Variants in CADPS observed in about 807,000 individuals in gnomAD.
CADPS encodes calcium-dependent secretion activator 1.
CADPS carries 57 observed loss-of-function variants against 167.3 expected under a neutral mutation model. The ratio of observed to expected loss-of-function variants is 0.34; its 90% CI spans 0.28 to 0.42. The LOEUF is 0.42. Ranked by LOEUF, CADPS falls within the 20% of genes least tolerant of loss-of-function variation. The probability of loss-of-function intolerance (pLI) is 1.00; values close to 1 mark genes in which losing one functional copy is unlikely to be tolerated. For synonymous variants in CADPS, 676 were observed against 635.3 expected (o/e 1.06, Z -0.96); for missense variants, 1,414 against 1,738.1 (o/e 0.81, Z 3.32).
intron 11 of CADPS, among the ~76,000 whole-genome samples, chr3:62,541,401 T>C (rs1382099635): frequency 6.6e-6 from 1 of 152,182 alleles, no homozygotes; most frequent in Admixed American, 6.6e-5. Flanking sequence ...CTTTATGACA[T>C]GGGCATAGGA....
chr3:62,841,588 G>A (rs1181639241), intron 1 of CADPS, among the ~76,000 whole-genome samples: 1 of 152,164 alleles, frequency 6.6e-6, no homozygotes, highest in East Asian at 1.9e-4. Flanking sequence ...GTGGTGGCAT[G>A]TGCCTGTAGT....
At chr3:62,855,220 C>G (rs577104928) in intron 1 of CADPS, among the ~76,000 whole-genome samples, 1 of 151,502 alleles carries the variant, frequency 6.6e-6, no homozygotes, top group East Asian at 1.9e-4. Flanking sequence ...GCTGGGATTA[C>G]AGGCATGAGG....
In CADPS at chr3:62,465,367, G is replaced by A. The variant is rs62243467; in HGVS notation, c.3636C>T (p.Thr1212=). 620 of 1,598,178 alleles carry A rather than the reference G, an allele frequency of 3.9e-4. 3 individuals carry two copies. Among genetic ancestry groups the A allele is most frequent in the Non-Finnish European group, 4.8e-4 (563 of 1,172,560 alleles). Residue 1212 remains threonine, a splice_region_variant and synonymous_variant, in exon 26 of 30, where the codon ACC becomes ACT. Transcript: ENST00000383710. This position sits in a 1 kb window ranked among gnomAD's most constrained non-coding sequence, Gnocchi z 4.1. ...GTLFSSFLSF[T]VKAASKYVDV... ...GGAAATAAAGAAGCTCTTTACTTAC[G>A]GTAAATGACAGAAAAGAAGAAAACA...
In CADPS at chr3:62,778,314, G is replaced by A. The variant is rs149910583; in HGVS notation, c.442-12330C>T. On this transcript the variant is annotated intron_variant, in intron 1 of 29. Transcript: ENST00000383710. ...GAAATGTCGAGATCATTGTCCCTGTGGTTAGTTAACAATTGTTCAAATTTC... is the reference window on the plus strand; with the variant it reads ...GAAATGTCGAGATCATTGTCCCTGTAGTTAGTTAACAATTGTTCAAATTTC... Among the ~76,000 whole-genome samples the A allele has an allele frequency of 3.4e-3, 512 of 152,222 alleles. 2 individuals carry two copies. Among genetic ancestry groups the A allele is most frequent in the African/African-American group, 0.011 (475 of 41,542 alleles).
intron 1 of CADPS, among the ~76,000 whole-genome samples, chr3:62,775,186 C>T (rs1002700993): frequency 6.7e-6 from 1 of 149,518 alleles, no homozygotes; most frequent in Non-Finnish European, 1.5e-5. Context: ...TACAGGCATG[C>T]ACCACCAAGC....
In CADPS at chr3:62,507,088, G is replaced by GTACTAC. The variant is rs572198020; in HGVS notation, c.2599+5657_2599+5662dup. The stretch of plus-strand genomic sequence containing the variant: ...GTTCTTTTTTTTCTCTGATTCAGTA[G>GTACTAC]TACTACTAAGTACCCACTTAGTCCC... On this transcript the variant is annotated intron_variant, in intron 17 of 29. Coordinates refer to ENST00000383710, the MANE Select transcript of CADPS (RefSeq NM_003716.4). Among the ~76,000 whole-genome samples, 961 of 152,092 alleles carry GTACTAC rather than the reference G, an allele frequency of 6.3e-3. 8 individuals are homozygous for GTACTAC. The highest frequency in any genetic ancestry group is 0.022 in the African/African-American group (921 of 41,480).
chr3:62,736,659 GTTTC>G (rs1398742672), intron 3 of CADPS, among the ~76,000 whole-genome samples: 2 of 152,156 alleles, frequency 1.3e-5, no homozygotes, highest in African/African-American at 4.8e-5. Flanking sequence ...TATGTTGGTT[GTTTC>G]TTTAAAAGAA....
intron 6 of CADPS, among the ~76,000 whole-genome samples, chr3:62,642,110 GAAAA>G (rs34341701): frequency 1.4e-5 from 2 of 145,674 alleles, no homozygotes; most frequent in Admixed American, 6.8e-5. Context: ...GGCTATACTT[GAAAA>G]AAAAAAAAAG....
chr3:62,565,698 T>C (rs561356377), intron 9 of CADPS, among the ~76,000 whole-genome samples: 1 of 152,322 alleles, frequency 6.6e-6, no homozygotes, highest in South Asian at 2.1e-4. Context: ...GTTGGTAGGG[T>C]AGACTCTAGC....
At chr3:62,569,878 A>C (rs1224810111) in intron 9 of CADPS, among the ~76,000 whole-genome samples, 2 of 152,202 alleles carry the variant, frequency 1.3e-5, no homozygotes, top group African/African-American at 4.8e-5. Context: ...TTGTAAACTG[A>C]AAAATCCTGA....
chr3:62,850,744 T>C (rs1403573740), intron 1 of CADPS, among the ~76,000 whole-genome samples: 15 of 151,592 alleles, frequency 9.9e-5, no homozygotes, highest in African/African-American at 3.6e-4. Flanking sequence ...AAAAAATGTA[T>C]ATTCTGTTGA....
At chr3:62,678,618 G>C (rs1274326287) in intron 3 of CADPS, among the ~76,000 whole-genome samples, 1 of 152,092 alleles carries the variant, frequency 6.6e-6, no homozygotes, top group African/African-American at 2.4e-5. Flanking sequence ...TGAGGGAGAA[G>C]TTGAGATTTC....
At chr3:62,472,982 T>C (rs897563229) in intron 24 of CADPS, among the ~76,000 whole-genome samples, 11 of 152,312 alleles carry the variant, frequency 7.2e-5, no homozygotes, top group African/African-American at 2.2e-4. Flanking sequence ...TGCCAATTCT[T>C]AGACCACACC....
intron 3 of CADPS, among the ~76,000 whole-genome samples, chr3:62,720,306 G>A (rs2075508333): frequency 6.6e-6 from 1 of 151,576 alleles, no homozygotes; most frequent in Non-Finnish European, 1.5e-5. Context: ...AATGGTATCA[G>A]GGGGGCATTT....
intron 5 of CADPS, among the ~76,000 whole-genome samples, chr3:62,646,161 C>CT (rs35748758): frequency 0.13 from 17,276 of 129,072 alleles, 1,391 homozygotes; most frequent in African/African-American, 0.16. Flanking sequence ...GGAATTGGCT[C>CT]TTTTTTTTTT....
At chr3:62,699,496 C>A (rs932553130) in intron 3 of CADPS, among the ~76,000 whole-genome samples, 2 of 152,166 alleles carry the variant, frequency 1.3e-5, no homozygotes, top group African/African-American at 4.8e-5. Flanking sequence ...TTGGAGTCTA[C>A]TGTAAAGTCA....
rs754634060 is a variant in CADPS at position 62,514,397 on chromosome 3, C to T, written c.2582-1629G>A. Among the ~76,000 whole-genome samples, 21 of 151,924 alleles carry T rather than the reference C, an allele frequency of 1.4e-4. No homozygotes were observed. The highest frequency in any genetic ancestry group is 2.0e-4 in the Admixed American group (3 of 15,244). On this transcript the variant is annotated intron_variant, in intron 16 of 29. Transcript: ENST00000383710. The surrounding 1 kb of genome is among the most constrained non-coding windows in gnomAD (Gnocchi z 4.2). ...CACATTAAAGTGGCTGAGCCAATCA[C>T]GGACAAGGAAGGAGAGAAGCGGAAG...
chr3:62,698,848 T>C lies in CADPS; in HGVS notation c.889-36454A>G, dbSNP rs1331996692. Among the ~76,000 whole-genome samples, 3 of 145,404 alleles carry C rather than the reference T, an allele frequency of 2.1e-5. No individual in the cohort carries two copies. The East Asian group carries it at 6.8e-4, about 33-fold the overall frequency. On this transcript the variant is annotated intron_variant, in intron 3 of 29. Transcript: ENST00000383710. ...TTGGCCTTCTGGGCTCAAGCAATCC[T>C]CCTGCCTCAGCCTCCCATGTAGCTG...
chr3:62,864,908 C>G (rs886767022), intron 1 of CADPS, among the ~76,000 whole-genome samples: 2 of 152,118 alleles, frequency 1.3e-5, no homozygotes, highest in Non-Finnish European at 2.9e-5. Flanking sequence ...TCCTAGAGAT[C>G]AGGAAGGCCA....
Sources: gnomAD v4.1 joint callset for allele counts (sites outside exome capture counted in the v4.1 genomes callset) on GRCh38, gnomAD v4.1.1 for gene constraint, Gnocchi (gnomAD v3.1) non-coding constraint, MANE v1.5 for transcripts, NCBI Gene and HGNC (gene_info 2026-07-23, HGNC 2026-07-21) for gene names.